ADGRL4: variants seen among roughly 807,000 people sequenced by gnomAD.
The protein encoded by ADGRL4 is EGF, latrophilin and seven transmembrane domain containing 1.
ADGRL4 carries 90 observed loss-of-function variants against 74.8 expected under a neutral mutation model. The ratio of observed to expected loss-of-function variants is 1.20; its 90% confidence interval spans 1.02 to 1.43. The LOEUF (loss-of-function observed/expected upper bound fraction) is 1.43. Among genes scored for constraint, ADGRL4 ranks in the 40% most tolerant of loss-of-function variants. ADGRL4 has a pLI of 0.00. For synonymous variants in ADGRL4, 311 were observed against 279.2 expected (o/e 1.11, Z -1.14); for missense variants, 881 against 814.3 (o/e 1.08, Z -1.00).
chr1:78,976,029 G>T (rs1650270898), intron 2 of ADGRL4, among the ~76,000 whole-genome samples: 1 of 151,976 alleles, frequency 6.6e-6, no homozygotes, highest in Admixed American at 6.6e-5. Flanking sequence ...ATACATGACT[G>T]CCCCAGCTTA....
At chr1:78,938,771 A>G (rs1444243847) in intron 4 of ADGRL4, among the ~76,000 whole-genome samples, 1 of 152,074 alleles carries the variant, frequency 6.6e-6, no homozygotes, top group Non-Finnish European at 1.5e-5. Flanking sequence ...ATTTTCAATC[A>G]TACGACAATT....
intron 2 of ADGRL4, among the ~76,000 whole-genome samples, chr1:78,974,988 T>C (rs1024163214): frequency 6.6e-6 from 1 of 152,172 alleles, no homozygotes; most frequent in Non-Finnish European, 1.5e-5. Context: ...GGGGCCATTA[T>C]TCTGCCTATC....
chr1:78,993,165 T>C (rs1258392351), intron 2 of ADGRL4, among the ~76,000 whole-genome samples: 1 of 152,118 alleles, frequency 6.6e-6, no homozygotes, highest in African/African-American at 2.4e-5. Context: ...AATCTTTATA[T>C]ATTGGCAATA....
chr1:78,995,837 G>C (rs1451155659), intron 2 of ADGRL4, among the ~76,000 whole-genome samples: 1 of 152,106 alleles, frequency 6.6e-6, no homozygotes, highest in Non-Finnish European at 1.5e-5. Context: ...GTAGGACAGG[G>C]ATAAAATATA....
chr1:78,913,340 C>G (rs1442126599), intron 12 of ADGRL4, among the ~76,000 whole-genome samples: 1 of 151,724 alleles, frequency 6.6e-6, no homozygotes, highest in Non-Finnish European at 1.5e-5. Flanking sequence ...ATGTTCACTG[C>G]AGCACTATTC....
chr1:78,999,369 G>A (rs1322544507), intron 2 of ADGRL4, among the ~76,000 whole-genome samples: 1 of 152,152 alleles, frequency 6.6e-6, no homozygotes, highest in Admixed American at 6.6e-5. Context: ...TGGAAAAGCA[G>A]CAGGAATTAA....
At chr1:78,965,897 T>A (rs914089329) in intron 2 of ADGRL4, among the ~76,000 whole-genome samples, 1 of 152,006 alleles carries the variant, frequency 6.6e-6, no homozygotes, top group Non-Finnish European at 1.5e-5. Flanking sequence ...TAAGCAAGGT[T>A]TATACTATCT....
chr1:78,922,419 A>G (rs1306126790), intron 8 of ADGRL4, among the ~76,000 whole-genome samples: 1 of 152,016 alleles, frequency 6.6e-6, no homozygotes, highest in Non-Finnish European at 1.5e-5. Context: ...CAGTTAAGTT[A>G]GAGCACAGTG....
intron 2 of ADGRL4, among the ~76,000 whole-genome samples, chr1:78,956,473 AT>A (rs764207128): frequency 2.0e-5 from 3 of 152,164 alleles, no homozygotes; most frequent in Non-Finnish European, 4.4e-5. Flanking sequence ...CATCATACTG[AT>A]TAGTATGTGA....
chr1:78,996,410 A>C (rs984412615), intron 2 of ADGRL4, among the ~76,000 whole-genome samples: 2 of 152,234 alleles, frequency 1.3e-5, no homozygotes, highest in Non-Finnish European at 1.5e-5. Flanking sequence ...TAAAAGTGAC[A>C]GGTTGTGAAG....
At chr1:78,999,970 GC>G (rs1170277108) in intron 2 of ADGRL4, among the ~76,000 whole-genome samples, 2 of 151,378 alleles carry the variant, frequency 1.3e-5, no homozygotes, top group Non-Finnish European at 2.9e-5. Context: ...ATTTTTTTGT[GC>G]ATAAGTAGAA....
intron 2 of ADGRL4, among the ~76,000 whole-genome samples, chr1:78,957,454 T>C (rs556773212): frequency 6.6e-6 from 1 of 152,248 alleles, no homozygotes; most frequent in South Asian, 2.1e-4. Context: ...ATACAAATGC[T>C]AAGAAAGTGA....
chr1:78,920,821 T>C (rs1028293051), intron 9 of ADGRL4, among the ~76,000 whole-genome samples: 10 of 151,906 alleles, frequency 6.6e-5, no homozygotes, highest in African/African-American at 2.4e-4. Context: ...CAATGCAGAA[T>C]ATAAGGATTA....
At chr1:78,955,328 A>C (rs1649806044) in intron 2 of ADGRL4, among the ~76,000 whole-genome samples, 1 of 152,064 alleles carries the variant, frequency 6.6e-6, no homozygotes, top group Non-Finnish European at 1.5e-5. Context: ...ATTATCAACT[A>C]TTGCCTCTCA....
At chr1:78,988,299 T>A (rs182749720) in intron 2 of ADGRL4, among the ~76,000 whole-genome samples, 2 of 151,922 alleles carry the variant, frequency 1.3e-5, no homozygotes. Flanking sequence ...GGCAGGAGTT[T>A]CTCCCTCTGG....
intron 2 of ADGRL4, among the ~76,000 whole-genome samples, chr1:78,988,141 A>T (rs1279986349): frequency 6.6e-6 from 1 of 151,884 alleles, no homozygotes; most frequent in Non-Finnish European, 1.5e-5. Flanking sequence ...AATGAAAGTA[A>T]TGAAAAACAA....
chr1:79,004,796 C>A (rs1227383588), intron 2 of ADGRL4, among the ~76,000 whole-genome samples: 2 of 151,994 alleles, frequency 1.3e-5, no homozygotes, highest in Admixed American at 6.5e-5. Context: ...GTTGACTATG[C>A]CCTCTACACC....
intron 12 of ADGRL4, among the ~76,000 whole-genome samples, chr1:78,902,506 G>A (rs1209761957): frequency 1.3e-5 from 2 of 151,652 alleles, no homozygotes; most frequent in Admixed American, 1.3e-4. Context: ...CAATTAGGGG[G>A]TAACAGAGCC....
intron 2 of ADGRL4, among the ~76,000 whole-genome samples, chr1:79,000,723 G>A (rs1350674946): frequency 1.3e-5 from 2 of 152,056 alleles, no homozygotes; most frequent in Non-Finnish European, 2.9e-5. Flanking sequence ...TTATTTATTT[G>A]AATGAAGTTT....
Sources: allele counts gnomAD v4.1 joint callset (sites outside exome capture counted in the v4.1 genomes callset), GRCh38; gene constraint gnomAD v4.1.1; transcripts MANE v1.5; gene names NCBI Gene and HGNC (gene_info 2026-07-23, HGNC 2026-07-21).